Variants in MACC1 observed in about 807,000 individuals in gnomAD.
MACC1 encodes the protein MET transcriptional regulator MACC1.
MACC1 carries 79 observed loss-of-function variants against 70.7 expected under a neutral mutation model. The observed-to-expected ratio is 1.12, with a 90% CI of 0.93 to 1.35. The LOEUF is 1.35. MACC1 is among the 40% of genes most tolerant of loss of function. The pLI is 0.00. For missense variants in MACC1, 1,106 were observed against 978.1 expected (o/e 1.13, Z -1.74); for synonymous variants, 361 against 347.2 (o/e 1.04, Z -0.44).
intron 1 of MACC1, among the ~76,000 whole-genome samples, chr7:20,208,767 A>G (rs547605170): frequency 6.6e-6 from 1 of 152,344 alleles, no homozygotes; most frequent in African/African-American, 2.4e-5. Flanking sequence ...TCTCCGGGGC[A>G]TGTCAGAGAC....
chr7:20,191,515 G>T (rs559675976), intron 1 of MACC1, among the ~76,000 whole-genome samples: 1 of 152,256 alleles, frequency 6.6e-6, no homozygotes, highest in East Asian at 1.9e-4. Flanking sequence ...CTATCAGTGG[G>T]TCTCTGCTTA....
intron 1 of MACC1, among the ~76,000 whole-genome samples, chr7:20,174,958 C>A (rs1782369305): frequency 6.6e-6 from 1 of 152,000 alleles, no homozygotes; most frequent in Admixed American, 6.5e-5. Flanking sequence ...TATATCAACC[C>A]TTCATATGTT....
At position 20,140,621 on chromosome 7, in the gene MACC1, T is replaced by C. The variant is rs1051541861; in HGVS notation, c.*325A>G. 5 of 219,840 alleles carry C rather than the reference T, an allele frequency of 2.3e-5. No homozygotes were observed. The highest frequency in any genetic ancestry group is 4.4e-5 in the Non-Finnish European group (5 of 113,346). The allele number at this position is 219,840 out of a possible 1,614,324, so 13.6% of individuals were successfully genotyped here. ...AAAGAGAGAGAGGGCACTTTTCTTT[T>C]TTCTTTCCTTTCTAAGAACAAAGCA... On this transcript the variant is annotated 3_prime_UTR_variant, in exon 7 of 7. Transcript: ENST00000400331.
At chr7:20,146,167 T>G (rs200174041) in intron 6 of MACC1, among the ~76,000 whole-genome samples, 1,734 of 148,662 alleles carry the variant, frequency 0.012, 36 homozygotes, top group Admixed American at 0.039. Flanking sequence ...AAAAAAAAAG[T>G]AAATCTCTAT....
intron 5 of MACC1, 112 bp downstream of exon 5, chr7:20,158,092 T>G (rs1363791507): frequency 3.8e-6 from 5 of 1,309,338 alleles, no homozygotes; most frequent in East Asian, 2.3e-5. Flanking sequence ...TTTAATGTAT[T>G]TAAGACTGTT....
chr7:20,209,977 G>A (rs1369541034), intron 1 of MACC1, among the ~76,000 whole-genome samples: 2 of 152,164 alleles, frequency 1.3e-5, no homozygotes, highest in African/African-American at 4.8e-5. Context: ...GCCCTGTGAA[G>A]AGGTGCCTTC....
Position 20,154,187 on chromosome 7 carries a change from T to C in MACC1, c.2346+6A>G. ...CACTATTGAATTACACAAACAGAAG[T>C]CTTACCTCAACAGCAACATCTCCAG... On this transcript the variant is annotated splice_donor_region_variant and intron_variant, in intron 6 of 6. Coordinates refer to ENST00000400331, the MANE Select transcript of MACC1 (RefSeq NM_182762.4). 1 of 1,613,700 alleles carries C rather than the reference T, an allele frequency of 6.2e-7. No individual in the cohort carries two copies. The highest frequency in any genetic ancestry group is 1.1e-5 in the South Asian group (1 of 91,066).
At chr7:20,184,616 C>G (rs1236735612) in intron 1 of MACC1, among the ~76,000 whole-genome samples, 1 of 152,204 alleles carries the variant, frequency 6.6e-6, no homozygotes, top group Non-Finnish European at 1.5e-5. Flanking sequence ...TCTTGGGTAT[C>G]TGTTCAGGAG....
At chr7:20,194,388 G>A (rs1430370086) in intron 1 of MACC1, among the ~76,000 whole-genome samples, 4 of 152,142 alleles carry the variant, frequency 2.6e-5, no homozygotes, top group African/African-American at 9.7e-5. Context: ...TGACCACAAA[G>A]GAGTACTCCC....
In MACC1 at chr7:20,138,416, A is replaced by G. The variant is rs1432576929; in HGVS notation, c.*2530T>C. ...GTCTTCTTAGATCTTGGAGCCTGGA[A>G]AAACCCAGTTATTAATCCCCACTAT... On this transcript the variant is annotated 3_prime_UTR_variant, in exon 7 of 7. Transcript: ENST00000400331. The G allele has an allele frequency of 2.0e-5, 3 of 152,060 alleles. No homozygotes were observed. The highest frequency in any genetic ancestry group is 4.4e-5 in the Non-Finnish European group (3 of 68,006). 9.4% of individuals were successfully genotyped at this position (152,060 alleles called of 1,614,324 possible).
chr7:20,214,622 T>A (rs1460460120), intron 1 of MACC1, among the ~76,000 whole-genome samples: 1 of 152,192 alleles, frequency 6.6e-6, no homozygotes, highest in Non-Finnish European at 1.5e-5. Context: ...AGTAATTAAA[T>A]TAAACTAAGT....
intron 1 of MACC1, among the ~76,000 whole-genome samples, chr7:20,213,293 G>A (rs752891499): frequency 3.3e-5 from 5 of 152,208 alleles, no homozygotes; most frequent in Non-Finnish European, 7.3e-5. Flanking sequence ...TGGTGAGGTC[G>A]TAGAGAAAAA....
intron 1 of MACC1, among the ~76,000 whole-genome samples, chr7:20,189,548 A>G (rs1782640434): frequency 6.6e-6 from 1 of 152,214 alleles, no homozygotes; most frequent in African/African-American, 2.4e-5. Context: ...TTGCAAATCT[A>G]GTTCAAATGT....
intron 1 of MACC1, among the ~76,000 whole-genome samples, chr7:20,192,440 G>A (rs1457139722): frequency 2.0e-5 from 3 of 152,136 alleles, no homozygotes; most frequent in African/African-American, 4.8e-5. Flanking sequence ...TCGTCACGCT[G>A]GAGAGACCAT....
intron 1 of MACC1, among the ~76,000 whole-genome samples, chr7:20,180,152 A>T (rs886126773): frequency 6.6e-5 from 10 of 152,214 alleles, no homozygotes; most frequent in African/African-American, 2.4e-4. Context: ...GTTCAAAAAT[A>T]TATAGGCAAT....
chr7:20,154,171 A>G (rs1782021488), intron 6 of MACC1, 22 bp downstream of exon 6: 2 of 1,612,978 alleles, frequency 1.2e-6, no homozygotes, highest in Non-Finnish European at 1.7e-6. Context: ...TCACTATTGA[A>G]TTACACAAAC....
At chr7:20,192,006 C>A (rs1003771126) in intron 1 of MACC1, among the ~76,000 whole-genome samples, 1 of 151,856 alleles carries the variant, frequency 6.6e-6, no homozygotes, top group Non-Finnish European at 1.5e-5. Flanking sequence ...TAAGATAATA[C>A]GATGAAGGAT....
intron 2 of MACC1, among the ~76,000 whole-genome samples, chr7:20,167,486 A>C (rs1044177164): frequency 2.0e-5 from 3 of 151,816 alleles, no homozygotes; most frequent in African/African-American, 4.8e-5. Context: ...ATGAGCCACT[A>C]TGCCTGGCCT....
At chr7:20,152,501 G>A (rs1046728818) in intron 6 of MACC1, among the ~76,000 whole-genome samples, 2 of 152,104 alleles carry the variant, frequency 1.3e-5, no homozygotes, top group Non-Finnish European at 1.5e-5. Context: ...TATATTATTT[G>A]GAATGACCTC....
Sources: allele counts gnomAD v4.1 joint callset (sites outside exome capture counted in the v4.1 genomes callset), GRCh38; gene constraint gnomAD v4.1.1; transcripts MANE v1.5; gene names NCBI Gene and HGNC (gene_info 2026-07-23, HGNC 2026-07-21).